The following PDE8B variants were observed in gnomAD, a reference collection of about 807,000 sequenced individuals.
PDE8B encodes the protein phosphodiesterase 8B, also known as high affinity cAMP-specific and IBMX-insensitive 3',5'-cyclic phosphodiesterase 8B.
Under a neutral mutation model 101.3 loss-of-function variants are expected in PDE8B, and 26 were observed. The observed-to-expected ratio is 0.26, with a 90% CI of 0.19 to 0.36. The LOEUF (loss-of-function observed/expected upper bound fraction) is 0.36. Ranked by LOEUF, PDE8B falls within the 10% of genes least tolerant of loss-of-function variation. The pLI is 1.00. For synonymous variants in PDE8B, 424 were observed against 429.3 expected, an observed-to-expected ratio of 0.99 and a Z score of 0.15; for missense variants, 810 against 1,163.1, an observed-to-expected ratio of 0.70 and a Z score of 4.42.
At chr5:77,386,665 T>C (rs1310191739) in intron 10 of PDE8B, among the ~76,000 whole-genome samples, 1 of 152,132 alleles carries the variant, frequency 6.6e-6, no homozygotes, top group Non-Finnish European at 1.5e-5. Context: ...TGAGCCTATG[T>C]GTGTCTTTGC....
chr5:77,367,334 A>G (rs1784330011), intron 10 of PDE8B, among the ~76,000 whole-genome samples: 1 of 151,892 alleles, frequency 6.6e-6, no homozygotes, highest in Admixed American at 6.6e-5. Flanking sequence ...AGTGGTGGAG[A>G]GTGTAGAAGC....
At chr5:77,183,980 T>TAA in the PDE8B span, among the ~76,000 whole-genome samples, 41 of 150,558 alleles carry the variant, frequency 2.7e-4, no homozygotes, top group African/African-American at 9.5e-4. Flanking sequence ...TTTTTTTTTT[T>TAA]AAAAAAAAAC....
At chr5:77,307,648 T>A (rs963045798) in intron 1 of PDE8B, among the ~76,000 whole-genome samples, 2 of 152,168 alleles carry the variant, frequency 1.3e-5, no homozygotes, top group Admixed American at 6.5e-5. Context: ...CTTCCATGTA[T>A]ATATGTGTGT....
intron 1 of PDE8B, chr5:77,291,801 T>A: frequency 6.4e-7 from 1 of 1,566,996 alleles, no homozygotes; most frequent in Non-Finnish European, 8.8e-7. Flanking sequence ...CAAGTTTCAG[T>A]AAAGGTGTTT....
chr5:77,335,562 TGTGA>T (rs59510464), intron 5 of PDE8B, among the ~76,000 whole-genome samples: 33,483 of 130,098 alleles, frequency 0.26, 4,018 homozygotes, highest in East Asian at 0.51. Context: ...TGTGTGTGTG[TGTGA>T]GAGAGAGAGG....
chr5:77,150,218 T>C, the PDE8B span, among the ~76,000 whole-genome samples: 6 of 152,290 alleles, frequency 3.9e-5, no homozygotes, highest in East Asian at 1.2e-3. Flanking sequence ...ACCCAACCCA[T>C]ATTTTCAAGG....
chr5:77,180,811 C>T, the PDE8B span, among the ~76,000 whole-genome samples: 1 of 152,204 alleles, frequency 6.6e-6, no homozygotes, highest in Admixed American at 6.5e-5. Context: ...TCCGTCGGGC[C>T]GGCTCCTCGG....
At chr5:77,219,225 G>T (rs968193188) in intron 1 of PDE8B, among the ~76,000 whole-genome samples, 2 of 152,098 alleles carry the variant, frequency 1.3e-5, no homozygotes, top group African/African-American at 4.8e-5. Context: ...GCATGAGCTC[G>T]GTTGGTTTTC....
At chr5:77,223,005 C>T (rs1751514358) in intron 1 of PDE8B, among the ~76,000 whole-genome samples, 1 of 152,178 alleles carries the variant, frequency 6.6e-6, no homozygotes, top group African/African-American at 2.4e-5. Context: ...ATAAGGCTTG[C>T]TTTGGGTTGA....
intron 10 of PDE8B, among the ~76,000 whole-genome samples, chr5:77,372,018 G>A (rs1025549525): frequency 2.8e-4 from 43 of 152,044 alleles, no homozygotes; most frequent in African/African-American, 1.0e-3. Flanking sequence ...CTAGCAACAT[G>A]GCAAAACCCC....
the PDE8B span, among the ~76,000 whole-genome samples, chr5:77,109,558 A>G: frequency 6.6e-6 from 1 of 152,174 alleles, no homozygotes; most frequent in Non-Finnish European, 1.5e-5. Flanking sequence ...AACCAATGCT[A>G]TATCTGCCCT....
the PDE8B span, chr5:77,140,777 C>G: frequency 6.6e-6 from 1 of 152,242 alleles, no homozygotes; most frequent in Admixed American, 6.5e-5. Flanking sequence ...CTCTCTCCAG[C>G]AACATCCACA....
At chr5:77,249,207 C>A (rs1049277345) in intron 1 of PDE8B, among the ~76,000 whole-genome samples, 1 of 152,142 alleles carries the variant, frequency 6.6e-6, no homozygotes, top group Admixed American at 6.5e-5. Context: ...GAATTCTATC[C>A]AAATAAGTAG....
intron 17 of PDE8B, 45 bp from the exon 18 acceptor site, chr5:77,418,184 C>T (rs1795959963): frequency 7.9e-7 from 1 of 1,267,692 alleles, no homozygotes; most frequent in African/African-American, 1.5e-5. Context: ...TGTGGGTCTC[C>T]AAGATCCAGT....
intron 5 of PDE8B, among the ~76,000 whole-genome samples, chr5:77,332,123 AAAAGAGAAG>A (rs1460006737): frequency 6.6e-6 from 1 of 152,326 alleles, no homozygotes; most frequent in African/African-American, 2.4e-5. Context: ...GAATGGACTT[AAAAGAGAAG>A]AAAGAGAAGA....
At chr5:77,413,614 A>G (rs576285832) in intron 17 of PDE8B, among the ~76,000 whole-genome samples, 2 of 152,300 alleles carry the variant, frequency 1.3e-5, no homozygotes, top group South Asian at 2.1e-4. Context: ...GTTGCAGGAC[A>G]GAACTTAATT....
At chr5:77,187,897 G>A in the PDE8B span, among the ~76,000 whole-genome samples, 1 of 152,196 alleles carries the variant, frequency 6.6e-6, no homozygotes, top group Non-Finnish European at 1.5e-5. Context: ...TGAAACTTAT[G>A]AAGGGTGTTA....
the PDE8B span, chr5:77,092,599 G>A: frequency 6.6e-6 from 1 of 152,164 alleles, no homozygotes; most frequent in Non-Finnish European, 1.5e-5. Flanking sequence ...AGAAATTACA[G>A]CCTTGAAATC....
intron 5 of PDE8B, 73 bp downstream of exon 5, chr5:77,331,532 C>A: frequency 8.7e-7 from 1 of 1,147,814 alleles, no homozygotes; most frequent in Non-Finnish European, 1.3e-6. Flanking sequence ...AACAGGGAAG[C>A]AAAGCTGCCA....
Sources: allele counts gnomAD v4.1 joint callset (sites outside exome capture counted in the v4.1 genomes callset), GRCh38; gene constraint gnomAD v4.1.1; transcripts MANE v1.5; gene names NCBI Gene and HGNC (gene_info 2026-07-23, HGNC 2026-07-21).